The following FOXN3 variants were observed in gnomAD, a reference collection of about 807,000 sequenced individuals.
FOXN3 encodes the protein forkhead box N3, also known as forkhead box protein N3.
A neutral mutation model predicts 38.4 loss-of-function variants in FOXN3; 7 were observed. The observed-to-expected ratio is 0.18, with a 90% confidence interval of 0.10 to 0.34. The LOEUF (loss-of-function observed/expected upper bound fraction) is 0.34. Among genes scored for constraint, FOXN3 ranks in the 10% least tolerant of loss-of-function variants. The pLI is 1.00. For missense variants in FOXN3, 456 were observed against 613.4 expected (o/e 0.74, Z 2.71); for synonymous variants, 230 against 242.2 (o/e 0.95, Z 0.47).
At chr14:89,270,075 AG>A (rs888547077) in intron 4 of FOXN3, among the ~76,000 whole-genome samples, 1 of 152,228 alleles carries the variant, frequency 6.6e-6, no homozygotes, top group African/African-American at 2.4e-5. Flanking sequence ...TCAGAGGGAC[AG>A]ATCACAAGCA....
At chr14:89,550,937 G>A (rs1446831699) in intron 1 of FOXN3, among the ~76,000 whole-genome samples, 2 of 152,282 alleles carry the variant, frequency 1.3e-5, no homozygotes, top group South Asian at 4.1e-4. Context: ...CTGCAGACAC[G>A]CAGGGAAGAA....
intron 1 of FOXN3, among the ~76,000 whole-genome samples, chr14:89,598,460 T>A (rs1896101023): frequency 6.6e-6 from 1 of 152,166 alleles, no homozygotes; most frequent in African/African-American, 2.4e-5. Flanking sequence ...TTATTTTTAT[T>A]TTTTAATGGA....
At chr14:89,348,769 T>G (rs1170771989) in intron 3 of FOXN3, among the ~76,000 whole-genome samples, 2 of 136,752 alleles carry the variant, frequency 1.5e-5, no homozygotes, top group East Asian at 1.9e-4. Flanking sequence ...TCATCTGCAT[T>G]TTTATGTCTA....
chr14:89,470,572 G>GT (rs1893073224), intron 1 of FOXN3, among the ~76,000 whole-genome samples: 1 of 152,186 alleles, frequency 6.6e-6, no homozygotes, highest in Admixed American at 6.5e-5. Context: ...GGAGATAACT[G>GT]TTTTTCTCTC....
chr14:89,560,757 T>C (rs1197190320), intron 1 of FOXN3, among the ~76,000 whole-genome samples: 1 of 152,346 alleles, frequency 6.6e-6, no homozygotes, highest in Admixed American at 6.5e-5. Flanking sequence ...GTTACTAGCA[T>C]AAGCACTTTA....
chr14:89,274,192 G>A (rs142800479), intron 4 of FOXN3, among the ~76,000 whole-genome samples: 1 of 152,184 alleles, frequency 6.6e-6, no homozygotes, highest in African/African-American at 2.4e-5. Context: ...GAGGTAAGGG[G>A]TGCCAGGACT....
chr14:89,463,846 G>A (rs938958606), intron 1 of FOXN3, among the ~76,000 whole-genome samples: 17 of 149,456 alleles, frequency 1.1e-4, no homozygotes, highest in South Asian at 4.2e-4. Flanking sequence ...GTGCAGTGAC[G>A]CAATCTCAGC....
At chr14:89,465,143 G>GAGGC (rs1168801866) in intron 1 of FOXN3, among the ~76,000 whole-genome samples, 2 of 152,184 alleles carry the variant, frequency 1.3e-5, no homozygotes, top group Non-Finnish European at 2.9e-5. Context: ...TAAGTTTCCT[G>GAGGC]AGGCCTCCCC....
chr14:89,384,759 A>G (rs1274037039), intron 2 of FOXN3, among the ~76,000 whole-genome samples: 1 of 152,216 alleles, frequency 6.6e-6, no homozygotes, highest in Admixed American at 6.5e-5. Flanking sequence ...GAATCATGGC[A>G]GACTTCTTGG....
intron 4 of FOXN3, among the ~76,000 whole-genome samples, chr14:89,256,849 G>A (rs1373879911): frequency 4.6e-5 from 7 of 152,156 alleles, no homozygotes; most frequent in Admixed American, 4.6e-4. Context: ...GGAAAATCTG[G>A]CTATGAGACC....
rs147384775 is a variant in FOXN3 at position 89,337,782 on chromosome 14, A to G, written c.680+12890T>C. Among the ~76,000 whole-genome samples the G allele has an allele frequency of 3.6e-3, 552 of 152,182 alleles. 8 individuals carry two copies. Among genetic ancestry groups the G allele is most frequent in the African/African-American group, 0.012 (511 of 41,508 alleles). ...GTAGCTGGAATTACAGGCACGTGTC[A>G]CCAAGCCCAGCTAATTTTTGTATTT... On this transcript the variant is annotated intron_variant, in intron 3 of 5. Coordinates refer to ENST00000557258, the MANE Select transcript of FOXN3 (RefSeq NM_005197.4).
At chr14:89,207,015 C>A (rs549890677) in intron 4 of FOXN3, among the ~76,000 whole-genome samples, 1 of 152,008 alleles carries the variant, frequency 6.6e-6, no homozygotes, top group Non-Finnish European at 1.5e-5. Context: ...ACAATAAGAA[C>A]AACAATAGTA....
intron 4 of FOXN3, among the ~76,000 whole-genome samples, chr14:89,254,123 A>G (rs1338677037): frequency 2.0e-5 from 3 of 152,064 alleles, no homozygotes; most frequent in African/African-American, 7.2e-5. Flanking sequence ...GAAACTTAAC[A>G]CTTCAGTCTC....
At chr14:89,265,610 C>A (rs916480686) in intron 4 of FOXN3, among the ~76,000 whole-genome samples, 1 of 152,040 alleles carries the variant, frequency 6.6e-6, no homozygotes, top group African/African-American at 2.4e-5. Context: ...AGGGTTAATG[C>A]CTAAAAGAGG....
intron 2 of FOXN3, among the ~76,000 whole-genome samples, chr14:89,379,874 T>C (rs1890588732): frequency 6.6e-6 from 1 of 152,140 alleles, no homozygotes; most frequent in South Asian, 2.1e-4. Context: ...TTGGCCAGGC[T>C]GGTCTCAAAC....
At chr14:89,277,862 TC>T (rs1191659723) in intron 4 of FOXN3, among the ~76,000 whole-genome samples, 4 of 152,220 alleles carry the variant, frequency 2.6e-5, no homozygotes, top group Non-Finnish European at 5.9e-5. Flanking sequence ...GTGCTCAGGT[TC>T]CGCGCTGTTG....
chr14:89,566,111 GACAATT>G (rs1409238002), intron 1 of FOXN3, among the ~76,000 whole-genome samples: 2 of 152,130 alleles, frequency 1.3e-5, no homozygotes, highest in Non-Finnish European at 2.9e-5. Context: ...GCTAGAAACT[GACAATT>G]AGTAAAACAA....
chr14:89,170,225 T>C (rs761757372), intron 5 of FOXN3, among the ~76,000 whole-genome samples: 20 of 152,112 alleles, frequency 1.3e-4, no homozygotes, highest in Non-Finnish European at 2.5e-4. Context: ...TGTCTAAAAT[T>C]GAAAGAGGTA....
intron 1 of FOXN3, among the ~76,000 whole-genome samples, chr14:89,522,035 A>AG (rs1894330741): frequency 6.6e-6 from 1 of 151,898 alleles, no homozygotes; most frequent in South Asian, 2.1e-4. Flanking sequence ...AAAAGAAAAA[A>AG]GAAAGAAAAG....
Sources: allele counts gnomAD v4.1 joint callset (sites outside exome capture counted in the v4.1 genomes callset), GRCh38; gene constraint gnomAD v4.1.1; transcripts MANE v1.5; gene names NCBI Gene and HGNC (gene_info 2026-07-23, HGNC 2026-07-21).